Variants in CCDC7 observed in about 807,000 individuals in gnomAD.
CCDC7 encodes coiled-coil domain containing 7.
A neutral mutation model predicts 196.9 loss-of-function variants in CCDC7; 183 were observed. That is an observed-to-expected ratio of 0.93 (90% CI 0.82 to 1.05). The LOEUF (loss-of-function observed/expected upper bound fraction) is 1.05, where lower values mean the gene tolerates loss of function less well. CCDC7 is among the 50% of genes least tolerant of loss of function. CCDC7 has a pLI of 0.00. For synonymous variants in CCDC7, 525 were observed against 484.6 expected, an observed-to-expected ratio of 1.08 and a Z score of -1.10; for missense variants, 1,540 against 1,482.2, an observed-to-expected ratio of 1.04 and a Z score of -0.64.
Position 32,729,433 on chromosome 10 carries a change from C to G in CCDC7, c.2881C>G (p.Gln961Glu). 2.3e-6 allele frequency: 3 copies of G among 1,327,962 alleles called. No individual in the cohort carries two copies. The South Asian group carries it at 4.1e-5, about 18-fold the overall frequency. The allele number at this position is 1,327,962 out of a possible 1,614,324, so 82.3% of individuals were successfully genotyped here. A position where few individuals can be genotyped will look rare whatever the true frequency, so the allele number is the denominator to read the frequency against. ...AAGCGAATCTCAAACGAAGAAACTT[C>G]AAGCTAAAGTAACTTCAAGAAAAAG... The change falls in exon 28 of 42, where the codon CAA (glutamine) becomes GAA (glutamate). Residue 961 changes from glutamine (Q) to glutamate (E), a missense_variant. Physicochemically the swap from Gln to Glu is conservative, Grantham distance 29. Transcript: ENST00000639629.
At chr10:32,875,855 C>G (rs909862993) in intron 41 of CCDC7, among the ~76,000 whole-genome samples, 1 of 151,960 alleles carries the variant, frequency 6.6e-6, no homozygotes, top group Non-Finnish European at 1.5e-5. Flanking sequence ...TTAAAACTGA[C>G]TGATTTTTTG....
At chr10:32,765,079 A>C (rs1245209539) in intron 28 of CCDC7, among the ~76,000 whole-genome samples, 1 of 152,004 alleles carries the variant, frequency 6.6e-6, no homozygotes, top group South Asian at 2.1e-4. Context: ...AAGCACAGTC[A>C]TGGCCTCTCA....
At chr10:32,598,045 C>A (rs1759658) in intron 18 of CCDC7, among the ~76,000 whole-genome samples, 52,390 of 152,100 alleles carry the variant, frequency 0.34, 11,439 homozygotes, top group Non-Finnish European at 0.49. Flanking sequence ...TGGACAGGGA[C>A]GTTTAAGTCT....
At chr10:32,848,861 ATGGTTT>A in intron 39 of CCDC7, 143 bp downstream of exon 40, 3 of 698,570 alleles carry the variant, frequency 4.3e-6, no homozygotes, top group Non-Finnish European at 7.2e-6. Flanking sequence ...TAAAAATAAA[ATGGTTT>A]TAATTCATCC....
At chr10:32,741,509 C>T (rs1356401182) in intron 28 of CCDC7, among the ~76,000 whole-genome samples, 1 of 152,110 alleles carries the variant, frequency 6.6e-6, no homozygotes. Context: ...CCCTGTGGAA[C>T]TTGTATATGA....
At chr10:32,774,546 T>C (rs1449272019) in intron 28 of CCDC7, among the ~76,000 whole-genome samples, 1 of 152,162 alleles carries the variant, frequency 6.6e-6, no homozygotes, top group East Asian at 1.9e-4. Context: ...GCATCAGATT[T>C]TCTTGATTCT....
chr10:32,684,159 C>T (rs2076198421), intron 21 of CCDC7, among the ~76,000 whole-genome samples: 1 of 152,076 alleles, frequency 6.6e-6, no homozygotes, highest in Non-Finnish European at 1.5e-5. Flanking sequence ...GCAAGGTGCC[C>T]CAGAGGTGAG....
intron 28 of CCDC7, among the ~76,000 whole-genome samples, chr10:32,737,948 C>G (rs2085147121): frequency 6.6e-6 from 1 of 152,222 alleles, no homozygotes; most frequent in East Asian, 1.9e-4. Flanking sequence ...ACCATATAGT[C>G]AGATTTTTTT....
chr10:32,534,596 G>C (rs373965294), intron 11 of CCDC7, among the ~76,000 whole-genome samples: 3 of 152,050 alleles, frequency 2.0e-5, no homozygotes, highest in African/African-American at 7.2e-5. Flanking sequence ...GGGTGCTCTT[G>C]GTGGCTCCTT....
intron 11 of CCDC7, among the ~76,000 whole-genome samples, chr10:32,538,310 G>A (rs1160162227): frequency 6.6e-6 from 1 of 152,008 alleles, no homozygotes; most frequent in Non-Finnish European, 1.5e-5. Context: ...TTGTATAGGA[G>A]TGCTACTAAT....
At position 32,871,957 on chromosome 10, in the gene CCDC7, T is replaced by A. The variant is rs571349545; in HGVS notation, c.4112-4390T>A. Among the ~76,000 whole-genome samples the A allele has an allele frequency of 8.5e-5, 13 of 152,294 alleles. No homozygotes were observed. The South Asian group carries it at 2.7e-3, about 32-fold the overall frequency. ...GAGTTCTAGTTTGATTGCACTGTGG[T>A]CTGAGAGACAGTTTGTTATAATTTC... On this transcript the variant is annotated intron_variant, in intron 41 of 41. Transcript: ENST00000639629.
At chr10:32,724,973 G>A (rs75965232) in intron 25 of CCDC7, among the ~76,000 whole-genome samples, 6,035 of 152,144 alleles carry the variant, frequency 0.04, 128 homozygotes, top group Middle Eastern at 0.051. Flanking sequence ...GTGCCTGAAA[G>A]ATCACACACA....
chr10:32,843,609 T>C (rs7912309), intron 33 of CCDC7, among the ~76,000 whole-genome samples: 6,717 of 152,088 alleles, frequency 0.044, 490 homozygotes, highest in African/African-American at 0.15. Context: ...GAAACATGAA[T>C]GTTACTAGAT....
chr10:32,480,787 C>T (rs1256756031), intron 8 of CCDC7, among the ~76,000 whole-genome samples: 1 of 152,160 alleles, frequency 6.6e-6, no homozygotes, highest in Non-Finnish European at 1.5e-5. Flanking sequence ...TCCTTTAGAA[C>T]ATTCCATTTG....
intron 25 of CCDC7, among the ~76,000 whole-genome samples, chr10:32,712,426 G>A (rs2141932474): frequency 6.6e-6 from 1 of 152,282 alleles, no homozygotes; most frequent in East Asian, 1.9e-4. Flanking sequence ...TTAGGTCCTT[G>A]TGCCTTTTCC....
chr10:32,811,284 T>C (rs781217905), intron 30 of CCDC7, among the ~76,000 whole-genome samples: 2 of 151,750 alleles, frequency 1.3e-5, no homozygotes, highest in Non-Finnish European at 2.9e-5. Flanking sequence ...AGATAGAAGA[T>C]ACAAATTAAC....
intron 25 of CCDC7, 67 bp downstream of exon 26, chr10:32,711,797 G>T: frequency 1.2e-6 from 1 of 851,518 alleles, no homozygotes; most frequent in Non-Finnish European, 1.7e-6. Context: ...TTTTTCTTTG[G>T]TTCATACTTA....
intron 8 of CCDC7, among the ~76,000 whole-genome samples, chr10:32,486,861 G>C (rs531870227): frequency 6.6e-6 from 1 of 152,020 alleles, no homozygotes; most frequent in Non-Finnish European, 1.5e-5. Flanking sequence ...CGAGAGATCA[G>C]CTGTTAGTCT....
chr10:32,855,450 C>T (rs2093715154), intron 41 of CCDC7, among the ~76,000 whole-genome samples: 1 of 152,106 alleles, frequency 6.6e-6, no homozygotes, highest in Admixed American at 6.6e-5. Context: ...AGCTTGTTTT[C>T]CTGAAACTAG....
Sources: gnomAD v4.1 joint callset for allele counts (sites outside exome capture counted in the v4.1 genomes callset) on GRCh38, gnomAD v4.1.1 for gene constraint, MANE v1.5 for transcripts, NCBI Gene and HGNC (gene_info 2026-07-23, HGNC 2026-07-21) for gene names.